PDXDC1: variants seen among roughly 807,000 people sequenced by gnomAD.
The protein encoded by PDXDC1 is pyridoxal-dependent decarboxylase domain-containing protein 1.
A neutral mutation model predicts 100.1 loss-of-function variants in PDXDC1; 42 were observed. That is an observed-to-expected ratio of 0.42 (90% confidence interval 0.33 to 0.54). The LOEUF (loss-of-function observed/expected upper bound fraction) is 0.54, where lower values mean the gene tolerates loss of function less well. PDXDC1 is among the 20% of genes least tolerant of loss of function. PDXDC1 has a pLI of 0.10. For missense variants in PDXDC1, 636 were observed against 979.2 expected (o/e 0.65, Z 4.68); for synonymous variants, 260 against 371.7 (o/e 0.70, Z 3.46).
At chr16:15,101,999 C>G (rs890929544) in intron 16 of PDXDC1, among the ~76,000 whole-genome samples, 1 of 152,020 alleles carries the variant, frequency 6.6e-6, no homozygotes, top group African/African-American at 2.4e-5. Context: ...CAGGTGCGTG[C>G]CACCATGCCT....
intron 11 of PDXDC1, among the ~76,000 whole-genome samples, chr16:15,018,225 ACCT>A (rs1266043810): frequency 6.6e-6 from 1 of 151,972 alleles, no homozygotes; most frequent in Non-Finnish European, 1.5e-5. Flanking sequence ...ACATGGTGAA[ACCT>A]CATCTCTATA....
At chr16:15,100,807 C>T (rs553036782) in intron 16 of PDXDC1, among the ~76,000 whole-genome samples, 1 of 152,032 alleles carries the variant, frequency 6.6e-6, no homozygotes, top group Non-Finnish European at 1.5e-5. Context: ...TCTGCCTAGC[C>T]TAGGCAGATC....
intron 16 of PDXDC1, among the ~76,000 whole-genome samples, chr16:15,095,502 T>C (rs897115789): frequency 2.6e-5 from 4 of 152,172 alleles, no homozygotes; most frequent in Non-Finnish European, 5.9e-5. Context: ...ACTGCACTCC[T>C]GCTTGGGCAA....
At chr16:15,129,480 G>A (rs1189895525) in intron 16 of PDXDC1, among the ~76,000 whole-genome samples, 1 of 152,226 alleles carries the variant, frequency 6.6e-6, no homozygotes, top group Admixed American at 6.5e-5. Context: ...TGCCAGAAGG[G>A]CAATTCCAAT....
rs764716056 is a variant in PDXDC1, at chr16:15,104,599, C to T, written c.1400-34280C>T. 3.3e-4 allele frequency: 525 copies of T among 1,599,284 alleles called. 1 individual carries two copies. The highest frequency in any genetic ancestry group is 4.1e-4 in the Non-Finnish European group (486 of 1,179,682). ...GGTGGAAGGGGATAGAGCAGACACT[C>T]CGCAGGTGTCTTGAGGCTCAGGGAG... On this transcript the variant is annotated intron_variant, in intron 16 of 16. Transcript: ENST00000535621.
downstream of PDXDC1, among the ~76,000 whole-genome samples, chr16:15,042,112 T>G (rs1181665795): frequency 1.3e-5 from 2 of 152,064 alleles, no homozygotes; most frequent in Non-Finnish European, 2.9e-5. Flanking sequence ...ATCCTAACAC[T>G]GTTAATAATT....
chr16:15,128,141 G>C (rs1436638535), intron 16 of PDXDC1: 1 of 1,609,544 alleles, frequency 6.2e-7, no homozygotes, highest in Middle Eastern at 2.3e-4. Context: ...GAGCCCTGCA[G>C]AGGCGCGGGA....
chr16:15,093,860 G>A (rs923658497), intron 16 of PDXDC1: 2 of 468,634 alleles, frequency 4.3e-6, no homozygotes, highest in Non-Finnish European at 7.5e-6. Flanking sequence ...GAAGGAAGAG[G>A]GGTCAAGGCG....
At chr16:15,097,494 G>C (rs950529319) in intron 16 of PDXDC1, among the ~76,000 whole-genome samples, 1 of 98,966 alleles carries the variant, frequency 1.0e-5, no homozygotes, top group Non-Finnish European at 2.2e-5. Flanking sequence ...AAAAAAAAAT[G>C]TGCCGGGCGT....
intron 16 of PDXDC1, chr16:15,133,548 C>A: frequency 2.0e-6 from 2 of 1,000,228 alleles, no homozygotes; most frequent in Non-Finnish European, 3.1e-6. Flanking sequence ...GCCAGGCCCA[C>A]CTCGAAGTGT....
chr16:15,089,412 C>G (rs1201926373), intron 16 of PDXDC1, among the ~76,000 whole-genome samples: 10 of 152,032 alleles, frequency 6.6e-5, no homozygotes, highest in Admixed American at 1.3e-4. Context: ...GAGGAGATCA[C>G]ACAGAAGAAT....
At chr16:15,088,989 T>C (rs540678258) in intron 16 of PDXDC1, among the ~76,000 whole-genome samples, 1 of 151,986 alleles carries the variant, frequency 6.6e-6, no homozygotes, top group African/African-American at 2.4e-5. Context: ...TCTGGGTAAA[T>C]GCATCTAACA....
At chr16:15,088,989 T>G (rs540678258) in intron 16 of PDXDC1, among the ~76,000 whole-genome samples, 1 of 152,104 alleles carries the variant, frequency 6.6e-6, no homozygotes, top group South Asian at 2.1e-4. Context: ...TCTGGGTAAA[T>G]GCATCTAACA....
chr16:15,067,682 G>C (rs1226126291), intron 16 of PDXDC1, among the ~76,000 whole-genome samples: 2 of 151,806 alleles, frequency 1.3e-5, no homozygotes, highest in African/African-American at 4.8e-5. Flanking sequence ...CTTTGGATAA[G>C]AAGTAGTAGT....
At chr16:15,101,869 G>A (rs2046561537) in intron 16 of PDXDC1, among the ~76,000 whole-genome samples, 1 of 151,728 alleles carries the variant, frequency 6.6e-6, no homozygotes, top group Non-Finnish European at 1.5e-5. Context: ...ATTGTCTCGA[G>A]ACAGAGTCTT....
chr16:15,003,374 G>T (rs148450427), intron 4 of PDXDC1, among the ~76,000 whole-genome samples: 1,352 of 151,724 alleles, frequency 8.9e-3, no homozygotes, highest in Non-Finnish European at 0.015. Context: ...CCACCACCAG[G>T]CCCGGCTAAT....
downstream of PDXDC1, among the ~76,000 whole-genome samples, chr16:15,143,471 G>A (rs1026386015): frequency 7.2e-5 from 11 of 152,196 alleles, no homozygotes; most frequent in Non-Finnish European, 1.6e-4. Flanking sequence ...CCGCCACCCG[G>A]GCGTGTGAAC....
At chr16:15,064,179 T>G (rs2044851324) in intron 16 of PDXDC1, among the ~76,000 whole-genome samples, 1 of 152,100 alleles carries the variant, frequency 6.6e-6, no homozygotes, top group Admixed American at 6.6e-5. Context: ...TGTTTTTTTT[T>G]TGTTTTGTTT....
chr16:15,061,781 G>C, intron 16 of PDXDC1: 1 of 1,614,028 alleles, frequency 6.2e-7, no homozygotes, highest in Non-Finnish European at 8.5e-7. Context: ...CACGGGTGGG[G>C]AGCCCACACT....
Sources: gnomAD v4.1 joint callset for allele counts (sites outside exome capture counted in the v4.1 genomes callset) on GRCh38, gnomAD v4.1.1 for gene constraint, MANE v1.5 for transcripts, NCBI Gene and HGNC (gene_info 2026-07-23, HGNC 2026-07-21) for gene names.